CMYA5: variants seen among roughly 807,000 people sequenced by gnomAD.
CMYA5 encodes cardiomyopathy-associated protein 5.
Under a neutral mutation model 318.9 loss-of-function variants are expected in CMYA5, and 246 were observed. The ratio of observed to expected loss-of-function variants is 0.77; its 90% confidence interval spans 0.70 to 0.86. CMYA5 has a LOEUF of 0.86. CMYA5 is among the 40% of genes least tolerant of loss of function. CMYA5 has a pLI of 0.00. For synonymous variants in CMYA5, 1,641 were observed against 1,729.5 expected (o/e 0.95, Z 1.27); for missense variants, 4,589 against 4,678.2 (o/e 0.98, Z 0.56).
intron 1 of CMYA5, among the ~76,000 whole-genome samples, chr5:79,701,676 CAT>C (rs1299277005): frequency 2.0e-5 from 3 of 152,120 alleles, no homozygotes; most frequent in Non-Finnish European, 4.4e-5. Flanking sequence ...AACAGTTAAA[CAT>C]AGAGTTACCA....
intron 9 of CMYA5, among the ~76,000 whole-genome samples, chr5:79,765,756 G>T (rs557576743): frequency 6.6e-6 from 1 of 152,240 alleles, no homozygotes; most frequent in South Asian, 2.1e-4. Flanking sequence ...TAGCAATTGG[G>T]AATGGGCATT....
intron 1 of CMYA5, among the ~76,000 whole-genome samples, chr5:79,727,293 A>G (rs1169875430): frequency 6.6e-6 from 1 of 152,108 alleles, no homozygotes; most frequent in African/African-American, 2.4e-5. Flanking sequence ...TGAAGACCAG[A>G]CCCTCGTACA....
At chr5:79,742,113 CTT>C (rs1828226345) in intron 2 of CMYA5, among the ~76,000 whole-genome samples, 1 of 147,356 alleles carries the variant, frequency 6.8e-6, no homozygotes, top group South Asian at 2.2e-4. Context: ...TTCTTCTCTT[CTT>C]CTTCTTCTTC....
intron 12 of CMYA5, among the ~76,000 whole-genome samples, chr5:79,798,263 G>A (rs1048708841): frequency 8.6e-5 from 13 of 151,946 alleles, no homozygotes; most frequent in Non-Finnish European, 4.4e-5. Flanking sequence ...TGCCAGACCC[G>A]TCGCTTACCC....
At chr5:79,791,713 C>CAAAAA (rs61063837) in intron 11 of CMYA5, among the ~76,000 whole-genome samples, 1 of 92,052 alleles carries the variant, frequency 1.1e-5, no homozygotes, top group Non-Finnish European at 2.6e-5. Flanking sequence ...GACTCTGTCT[C>CAAAAA]AAAAAAAAAA....
At chr5:79,694,635 A>C (rs1178703047) in intron 1 of CMYA5, among the ~76,000 whole-genome samples, 1 of 152,232 alleles carries the variant, frequency 6.6e-6, no homozygotes, top group Admixed American at 6.5e-5. Flanking sequence ...GACAGAATTA[A>C]AATTATTAGT....
intron 12 of CMYA5, among the ~76,000 whole-genome samples, chr5:79,797,974 C>T (rs1829302934): frequency 6.6e-6 from 1 of 152,208 alleles, no homozygotes; most frequent in South Asian, 2.1e-4. Context: ...GCCCAGCTCA[C>T]ACTGCCAGTC....
chr5:79,778,194 G>A (rs149967591), intron 9 of CMYA5: 10 of 152,236 alleles, frequency 6.6e-5, no homozygotes, highest in African/African-American at 2.2e-4. Context: ...CTATTCTCTT[G>A]CCATCACAAA....
At chr5:79,714,700 A>G (rs946768861) in intron 1 of CMYA5, among the ~76,000 whole-genome samples, 2 of 152,054 alleles carry the variant, frequency 1.3e-5, no homozygotes, top group African/African-American at 4.8e-5. Flanking sequence ...TTGGCCTCCC[A>G]AAGTGCTGGG....
In CMYA5 at chr5:79,736,492, T is replaced by C. The variant is rs1224172577; in HGVS notation, c.7727T>C (p.Leu2576Ser). Residue 2576 changes from leucine (L) to serine (S), a missense_variant, in exon 2 of 13, where the codon TTA (leucine) becomes TCA (serine). Leu to Ser is a moderately radical substitution (Grantham distance 145, BLOSUM62 -2). This residue lies in a region of CMYA5 where 2,431 missense variants were observed against 2,495.1 expected (regional missense o/e 0.97). Transcript: ENST00000446378. ...ESMSRESDIS[L>S]GHSLGETQSF... ...ATGAGTAGAGAATCAGATATCTCTT[T>C]AGGTCATTCTTTGGGTGAAACTCAA... The C allele has an allele frequency of 6.2e-7, 1 of 1,612,172 alleles. No homozygotes were observed. Among genetic ancestry groups the C allele is most frequent in the African/African-American group, 1.3e-5 (1 of 75,016 alleles).
Position 79,731,715 on chromosome 5 carries a change from C to G in CMYA5, c.2950C>G (p.His984Asp). 6.2e-7 allele frequency: 1 copy of G among 1,613,920 alleles called. No homozygotes were observed. The highest frequency in any genetic ancestry group is 1.1e-5 in the South Asian group (1 of 91,082). The stretch of plus-strand genomic sequence containing the variant: ...AATATGTTTAACATCACCATCTGAG[C>G]ACACTATTTTGTCAGATGAAGACAC... ...SPICLTSPSE[H>D]TILSDEDTEE... Residue 984 changes from histidine (H) to aspartate (D), a missense_variant, in exon 2 of 13, where the codon CAC becomes GAC. By Grantham distance (81) the His-to-Asp change is moderately conservative. This residue lies in a region of CMYA5 where 2,132 missense variants were observed against 2,131.3 expected (regional missense o/e 1.00). Transcript: ENST00000446378.
intron 1 of CMYA5, among the ~76,000 whole-genome samples, chr5:79,718,190 T>C (rs1827556345): frequency 6.6e-6 from 1 of 152,054 alleles, no homozygotes; most frequent in Non-Finnish European, 1.5e-5. Flanking sequence ...CCCGGCCAGC[T>C]ATTTTATATT....
At chr5:79,763,839 C>T (rs1475097703) in intron 9 of CMYA5, among the ~76,000 whole-genome samples, 1 of 152,162 alleles carries the variant, frequency 6.6e-6, no homozygotes, top group Non-Finnish European at 1.5e-5. Flanking sequence ...CTCCCACCTC[C>T]TTGCTGTGGA....
At chr5:79,793,327 T>C in intron 11 of CMYA5, 110 bp from the exon 12 acceptor site, 2 of 1,080,974 alleles carry the variant, frequency 1.9e-6, no homozygotes, top group East Asian at 4.8e-5. Flanking sequence ...TCCAGCAGTT[T>C]CCAAGGGCAG....
intron 4 of CMYA5, among the ~76,000 whole-genome samples, chr5:79,746,440 A>C (rs1157489099): frequency 5.3e-5 from 8 of 151,324 alleles, no homozygotes; most frequent in Non-Finnish European, 1.2e-4. Context: ...TAAATTGGGC[A>C]CTGTTTGTGA....
In CMYA5 at chr5:79,715,318, C is replaced by T. The variant is rs373022565; in HGVS notation, c.150-13597C>T. ...ATTTTTTTTTTCTGTGACAGAGTCT[C>T]GCTCTGTCACCCAGGCTGGAGAGCA... On this transcript the variant is annotated intron_variant, in intron 1 of 12. Transcript: ENST00000446378. Among the ~76,000 whole-genome samples, 18 of 151,218 alleles carry T rather than the reference C, an allele frequency of 1.2e-4. No individual in the cohort carries two copies. The East Asian group carries it at 2.1e-3, about 18-fold the overall frequency.
Position 79,734,889 on chromosome 5 carries a change from C to T in CMYA5, c.6124C>T (p.Leu2042=). 1 of 1,613,784 alleles carries T rather than the reference C, an allele frequency of 6.2e-7. No individual in the cohort carries two copies. The highest frequency in any genetic ancestry group is 8.5e-7 in the Non-Finnish European group (1 of 1,179,796). The change falls in exon 2 of 13, where the codon CTA becomes TTA. Residue 2042 remains leucine, a synonymous_variant. Coordinates refer to ENST00000446378, the MANE Select transcript of CMYA5 (RefSeq NM_153610.5). Reference sequence around the variant, plus strand: ...AGAAGATAGCCAGGAAAAAATTAAACTACCTCCTGAAAGATTCTTCCAGAA... The same window carrying T: ...AGAAGATAGCCAGGAAAAAATTAAATTACCTCCTGAAAGATTCTTCCAGAA... ...SKEDSQEKIK[L]PPERFFQKPV...
Position 79,731,581 on chromosome 5 carries a change from A to C in CMYA5, c.2816A>C (p.Gln939Pro). 1.2e-6 allele frequency: 2 copies of C among 1,612,578 alleles called. No homozygotes were observed. Among genetic ancestry groups the C allele is most frequent in the Non-Finnish European group, 1.7e-6 (2 of 1,179,264 alleles). The change falls in exon 2 of 13, where the codon CAA becomes CCA. Residue 939 changes from glutamine (Q) to proline (P), a missense_variant. This residue lies in a region of CMYA5 where 2,132 missense variants were observed against 2,131.3 expected (regional missense o/e 1.00). Coordinates refer to ENST00000446378, the MANE Select transcript of CMYA5 (RefSeq NM_153610.5). ...SSPMNLSEED[Q>P]EDIGPFSPDS... Reference sequence around the variant, plus strand: ...CCCATGAATTTATCAGAAGAAGATCAAGAAGACATTGGACCTTTTTCTCCA... The same window carrying C: ...CCCATGAATTTATCAGAAGAAGATCCAGAAGACATTGGACCTTTTTCTCCA...
At chr5:79,774,219 T>C (rs1354965389) in intron 9 of CMYA5, 2 of 152,100 alleles carry the variant, frequency 1.3e-5, no homozygotes, top group Non-Finnish European at 2.9e-5. Flanking sequence ...ACAGAAAACA[T>C]TTGCATATTT....
Sources: allele counts gnomAD v4.1 joint callset (sites outside exome capture counted in the v4.1 genomes callset), GRCh38; gene constraint gnomAD v4.1.1; regional missense constraint gnomAD v4.1.1; transcripts MANE v1.5; gene names NCBI Gene and HGNC (gene_info 2026-07-23, HGNC 2026-07-21).